The following SYF2 variants were observed in gnomAD, a reference collection of about 807,000 sequenced individuals.
SYF2 encodes pre-mRNA-splicing factor SYF2.
SYF2 carries 21 observed loss-of-function variants against 32.7 expected under a neutral mutation model. The observed-to-expected ratio is 0.64, with a 90% CI of 0.45 to 0.92. The LOEUF (loss-of-function observed/expected upper bound fraction) is 0.92. Among genes scored for constraint, SYF2 ranks in the 40% least tolerant of loss-of-function variants. The pLI, the probability that SYF2 is intolerant of heterozygous loss-of-function variation, is 0.00. For missense variants in SYF2, 278 were observed against 296.5 expected, an observed-to-expected ratio of 0.94 and a Z score of 0.46; for synonymous variants, 114 against 103.9, an observed-to-expected ratio of 1.10 and a Z score of -0.59.
intron 4 of SYF2, among the ~76,000 whole-genome samples, chr1:25,227,885 G>A (rs539496447): frequency 7.2e-5 from 11 of 152,286 alleles, no homozygotes; most frequent in Admixed American, 6.5e-4. Flanking sequence ...TGAAGATGCT[G>A]ACAAACAGAC....
At chr1:25,224,002 T>C (rs1638457786) in intron 6 of SYF2, among the ~76,000 whole-genome samples, 1 of 152,126 alleles carries the variant, frequency 6.6e-6, no homozygotes, top group Non-Finnish European at 1.5e-5. Context: ...GAGACCAGCC[T>C]GGTCAACATG....
At chr1:25,230,423 G>A (rs1638603578) in intron 2 of SYF2, 1 of 152,018 alleles carries the variant, frequency 6.6e-6, no homozygotes, top group Non-Finnish European at 1.5e-5. Context: ...GTCATAAGCT[G>A]GTGGCAGTTT....
chr1:25,231,867 T>C (rs1557472281), intron 2 of SYF2: 1 of 592,806 alleles, frequency 1.7e-6, no homozygotes, highest in Non-Finnish European at 3.0e-6. Context: ...CTAACCCAGA[T>C]ACATTAAATT....
At chr1:25,224,957 G>A in intron 6 of SYF2, 45 bp downstream of exon 6, 1 of 1,330,394 alleles carries the variant, frequency 7.5e-7, no homozygotes, top group Non-Finnish European at 1.1e-6. Context: ...AGTGCATTTT[G>A]TCATGAAGTA....
rs976974617 is a variant in SYF2 at position 25,223,579 on chromosome 1, T to C, written c.567-148A>G. The stretch of plus-strand genomic sequence containing the variant: ...CAGGAGAGTTTTCATCAAGTTAAAG[T>C]TGAAACTGAATTAATGGCACAACTC... On this transcript the variant is annotated intron_variant, in intron 6 of 6. Transcript: ENST00000236273. 22 of 710,212 alleles carry C rather than the reference T, an allele frequency of 3.1e-5. No individual in the cohort carries two copies. In the Admixed American group the frequency reaches 5.5e-4, roughly 18 times the overall value. 44.0% of individuals were successfully genotyped at this position (710,212 alleles called of 1,614,324 possible).
At chr1:25,227,873 C>A (rs536714509) in intron 4 of SYF2, among the ~76,000 whole-genome samples, 1 of 152,164 alleles carries the variant, frequency 6.6e-6, no homozygotes, top group Non-Finnish European at 1.5e-5. Flanking sequence ...TAGCTTCTAT[C>A]CTGAAGATGC....
intron 3 of SYF2, among the ~76,000 whole-genome samples, chr1:25,228,586 C>T (rs1414427726): frequency 2.0e-5 from 3 of 152,108 alleles, no homozygotes; most frequent in South Asian, 2.1e-4. Context: ...CTGCCAGCCT[C>T]GGCCTCCCAA....
intron 3 of SYF2, 132 bp downstream of exon 3, chr1:25,228,866 T>G (rs1203096820): frequency 1.9e-6 from 2 of 1,041,294 alleles, no homozygotes; most frequent in Non-Finnish European, 2.8e-6. Context: ...TTGCAGTTGG[T>G]ACTGAGCAGA....
intron 6 of SYF2, 107 bp downstream of exon 6, chr1:25,224,895 T>A (rs1638474890): frequency 2.3e-6 from 2 of 863,792 alleles, no homozygotes; most frequent in African/African-American, 1.7e-5. Context: ...AACTGTACAA[T>A]TTCTATCTTT....
chr1:25,230,088 G>A (rs916583632), intron 2 of SYF2, among the ~76,000 whole-genome samples: 1 of 152,134 alleles, frequency 6.6e-6, no homozygotes, highest in African/African-American at 2.4e-5. Flanking sequence ...AAAGTGCTGG[G>A]ATTACAGGCA....
chr1:25,224,246 T>C (rs1486238921), intron 6 of SYF2, among the ~76,000 whole-genome samples: 1 of 151,928 alleles, frequency 6.6e-6, no homozygotes, highest in Non-Finnish European at 1.5e-5. Context: ...GAGCACATAA[T>C]ATGTGCCAGA....
Position 25,232,439 on chromosome 1 carries a change from C to G in SYF2, c.24+5G>C. ...AACCCCCGGTGTACGGTGGGTGGAACTCACCTCGGATGCAGCTATAGCCGC... is the reference window on the plus strand; with the variant it reads ...AACCCCCGGTGTACGGTGGGTGGAAGTCACCTCGGATGCAGCTATAGCCGC... On this transcript the variant is annotated splice_donor_5th_base_variant and intron_variant, in intron 1 of 6. Transcript: ENST00000236273. The G allele has an allele frequency of 6.2e-7, 1 of 1,614,226 alleles. No homozygotes were observed. The highest frequency in any genetic ancestry group is 8.5e-7 in the Non-Finnish European group (1 of 1,180,038).
At chr1:25,226,936 G>T (rs1035273608) in intron 5 of SYF2, among the ~76,000 whole-genome samples, 1 of 151,804 alleles carries the variant, frequency 6.6e-6, no homozygotes, top group African/African-American at 2.4e-5. Context: ...AGTTATGACA[G>T]TGTCAATGCA....
chr1:25,226,793 G>A (rs1045564638), intron 5 of SYF2, among the ~76,000 whole-genome samples: 1 of 151,970 alleles, frequency 6.6e-6, no homozygotes, highest in Non-Finnish European at 1.5e-5. Context: ...GAGACAGCCT[G>A]AGCAACACAG....
rs1350361277 is a variant in SYF2, at chr1:25,232,174, G to T, written c.62C>A (p.Ala21Glu). The change falls in exon 2 of 7, where the codon GCG becomes GAG. Residue 21 changes from alanine (A) to glutamate (E), a missense_variant. By Grantham distance (107) the Ala-to-Glu change is moderately radical. Coordinates refer to ENST00000236273, the MANE Select transcript of SYF2 (RefSeq NM_015484.5). ...VDSAEEGSLAAAAELAAQKRE... is the reference protein window; with the variant it reads ...VDSAEEGSLAEAAELAAQKRE... ...CTTCTGAGCGGCCAGCTCCGCCGCC[G>T]CAGCGAGGGACCCCTCCTCCGCGCT... 3.1e-6 allele frequency: 5 copies of T among 1,613,824 alleles called. No homozygotes were observed. In the Admixed American group the frequency reaches 8.3e-5, roughly 27 times the overall value.
At chr1:25,227,843 C>T (rs988519315) in intron 4 of SYF2, among the ~76,000 whole-genome samples, 8 of 152,210 alleles carry the variant, frequency 5.3e-5, no homozygotes, top group South Asian at 2.1e-4. Context: ...TAATATATGC[C>T]CATAACACTA....
intron 6 of SYF2, among the ~76,000 whole-genome samples, chr1:25,224,466 C>G (rs1638467984): frequency 6.6e-6 from 1 of 152,124 alleles, no homozygotes; most frequent in Non-Finnish European, 1.5e-5. Context: ...CCATGTTGCC[C>G]AGGCTGTTCT....
intron 5 of SYF2, 123 bp downstream of exon 5, chr1:25,227,319 C>A: frequency 1.3e-6 from 1 of 793,446 alleles, no homozygotes; most frequent in South Asian, 2.1e-5. Flanking sequence ...AAACAGAGAC[C>A]ATCCTTAGAC....
At chr1:25,230,081 G>C (rs991189588) in intron 2 of SYF2, among the ~76,000 whole-genome samples, 1 of 152,154 alleles carries the variant, frequency 6.6e-6, no homozygotes, top group African/African-American at 2.4e-5. Flanking sequence ...ACCTCCCAAA[G>C]TGCTGGGATT....
Sources: gnomAD v4.1 joint callset for allele counts (sites outside exome capture counted in the v4.1 genomes callset) on GRCh38, gnomAD v4.1.1 for gene constraint, MANE v1.5 for transcripts, NCBI Gene and HGNC (gene_info 2026-07-23, HGNC 2026-07-21) for gene names.